The following DRG1 variants were observed in gnomAD, a reference collection of about 807,000 sequenced individuals.
The protein encoded by DRG1 is developmentally-regulated GTP-binding protein 1.
DRG1 carries 19 observed loss-of-function variants against 38.8 expected under a neutral mutation model. That is an observed-to-expected ratio of 0.49 (90% CI 0.34 to 0.72). The LOEUF is 0.72. DRG1 is among the 30% of genes least tolerant of loss of function. The pLI, the probability that DRG1 is intolerant of heterozygous loss-of-function variation, is 0.01. For missense variants in DRG1, 299 were observed against 444.8 expected (o/e 0.67, Z 2.95); for synonymous variants, 167 against 157.5 (o/e 1.06, Z -0.45).
chr22:31,411,623 G>T (rs905666907), intron 4 of DRG1, among the ~76,000 whole-genome samples: 1 of 148,576 alleles, frequency 6.7e-6, no homozygotes, highest in East Asian at 2.0e-4. Flanking sequence ...TCTGCCTCCC[G>T]GGTTCAAGGG....
intron 4 of DRG1, among the ~76,000 whole-genome samples, chr22:31,413,335 C>A (rs1038558802): frequency 1.6e-4 from 25 of 151,782 alleles, no homozygotes; most frequent in Non-Finnish European, 3.1e-4. Flanking sequence ...GCTCAGTGAT[C>A]CTCCTGCCTT....
chr22:31,427,219 A>G (rs141744371), intron 8 of DRG1, 37 bp downstream of exon 8: 71 of 1,603,932 alleles, frequency 4.4e-5, no homozygotes, highest in Admixed American at 1.0e-4. Flanking sequence ...CCTTTTTCCT[A>G]TGAGTTACCA....
At chr22:31,413,944 A>G (rs1170833829) in intron 4 of DRG1, among the ~76,000 whole-genome samples, 1 of 151,980 alleles carries the variant, frequency 6.6e-6, no homozygotes, top group Admixed American at 6.6e-5. Context: ...AAGAACACAT[A>G]TGACTTCCCT....
chr22:31,433,351 A>G (rs1012673193), intron 8 of DRG1, among the ~76,000 whole-genome samples: 1 of 149,170 alleles, frequency 6.7e-6, no homozygotes, highest in East Asian at 2.0e-4. Flanking sequence ...GCTCACTGCA[A>G]CCTCCGCCTC....
chr22:31,428,380 T>G (rs1193898959), intron 8 of DRG1, among the ~76,000 whole-genome samples: 2 of 151,958 alleles, frequency 1.3e-5, no homozygotes, highest in African/African-American at 4.8e-5. Flanking sequence ...CCCGGCTAAT[T>G]TTTTTGTATT....
At chr22:31,430,932 G>A (rs2050135021) in intron 8 of DRG1, among the ~76,000 whole-genome samples, 1 of 149,604 alleles carries the variant, frequency 6.7e-6, no homozygotes, top group Non-Finnish European at 1.5e-5. Flanking sequence ...TGCCCTGGCT[G>A]GTCTCGAACT....
At chr22:31,414,796 T>TTTTA (rs1555898555) in intron 4 of DRG1, among the ~76,000 whole-genome samples, 1 of 151,008 alleles carries the variant, frequency 6.6e-6, no homozygotes, top group African/African-American at 2.5e-5. Flanking sequence ...TTTTTTTTTT[T>TTTTA]AGAGATAGGA....
At chr22:31,431,117 C>G (rs1379930663) in intron 8 of DRG1, among the ~76,000 whole-genome samples, 1 of 146,014 alleles carries the variant, frequency 6.8e-6, no homozygotes, top group African/African-American at 2.5e-5. Context: ...TCACTGCAAG[C>G]TCCGCCTCCC....
intron 8 of DRG1, among the ~76,000 whole-genome samples, chr22:31,433,563 G>A (rs920441935): frequency 6.6e-6 from 1 of 152,134 alleles, no homozygotes; most frequent in East Asian, 1.9e-4. Flanking sequence ...GAGCCCCTGC[G>A]CCCGGCCCAG....
intron 8 of DRG1, among the ~76,000 whole-genome samples, chr22:31,432,533 C>G (rs1374566770): frequency 1.3e-5 from 2 of 151,828 alleles, no homozygotes; most frequent in East Asian, 3.9e-4. Flanking sequence ...TCAAGCGATT[C>G]TCCTGCCTCA....
chr22:31,403,041 C>T lies in DRG1; in HGVS notation c.179C>T (p.Ala60Val). 6.2e-7 allele frequency: 1 copy of T among 1,611,702 alleles called. No individual in the cohort carries two copies. Among genetic ancestry groups the T allele is most frequent in the Non-Finnish European group, 8.5e-7 (1 of 1,179,502 alleles). ...GGGPGEGFDVAKTGDARIGFV... is the reference protein window; with the variant it reads ...GGGPGEGFDVVKTGDARIGFV... ...ATTGATGTTTTAGGTTTTGATGTGG[C>T]CAAGACAGGTGATGCTCGAATTGGA... The change falls in exon 3 of 9, where the codon GCC (alanine) becomes GTC (valine). Residue 60 changes from alanine (A) to valine (V), a missense_variant. Transcript: ENST00000331457.
At chr22:31,423,471 A>G (rs1230543291) in intron 6 of DRG1, 61 bp downstream of exon 6, 5 of 1,477,072 alleles carry the variant, frequency 3.4e-6, no homozygotes, top group African/African-American at 1.4e-5. Context: ...TGGAAACAGT[A>G]TTGGATCTTG....
rs539186674 is a variant in DRG1 at position 31,407,968 on chromosome 22, CA to C, written c.343-3036del. Among the ~76,000 whole-genome samples, 31 of 147,718 alleles carry C rather than the reference CA, an allele frequency of 2.1e-4. No individual in the cohort carries two copies. In the East Asian group the frequency reaches 2.9e-3, roughly 14 times the overall value. ...AAACCCTGTCTCTACTAAAAATACA[CA>C]AAAAAAATTAGTGGGGCATGGTGGC... On this transcript the variant is annotated intron_variant, in intron 3 of 8. Coordinates refer to ENST00000331457, the MANE Select transcript of DRG1 (RefSeq NM_004147.4).
intron 3 of DRG1, among the ~76,000 whole-genome samples, chr22:31,407,022 G>C (rs761864035): frequency 3.3e-5 from 5 of 152,032 alleles, no homozygotes; most frequent in Non-Finnish European, 7.4e-5. Context: ...CTCAATTTGG[G>C]TTTGTGTGAT....
intron 8 of DRG1, among the ~76,000 whole-genome samples, chr22:31,431,369 CAAA>C (rs928601224): frequency 6.6e-6 from 1 of 152,024 alleles, no homozygotes; most frequent in African/African-American, 2.4e-5. Context: ...GGGTTAAAAA[CAAA>C]AGAAGAAAAT....
At chr22:31,433,777 T>G in intron 8 of DRG1, 95 bp from the exon 9 acceptor site, 1 of 1,043,190 alleles carries the variant, frequency 9.6e-7, no homozygotes, top group Non-Finnish European at 1.5e-6. Context: ...CTTAAGGGTA[T>G]GATACTAAAT....
chr22:31,404,723 G>A (rs2049980445), intron 3 of DRG1, among the ~76,000 whole-genome samples: 1 of 151,960 alleles, frequency 6.6e-6, no homozygotes, highest in Admixed American at 6.6e-5. Context: ...CAGGGTTCAA[G>A]CAATTCTCCT....
intron 8 of DRG1, among the ~76,000 whole-genome samples, chr22:31,431,604 G>A (rs886610577): frequency 3.3e-5 from 5 of 152,186 alleles, no homozygotes; most frequent in African/African-American, 1.2e-4. Context: ...TGACATTGCA[G>A]CGAGCCAAGA....
chr22:31,427,395 A>G (rs751713408), intron 8 of DRG1, among the ~76,000 whole-genome samples: 16 of 152,128 alleles, frequency 1.1e-4, no homozygotes, highest in Non-Finnish European at 1.6e-4. Flanking sequence ...GCCTGATGAC[A>G]CAAACAACCC....
Sources: gnomAD v4.1 joint callset for allele counts (sites outside exome capture counted in the v4.1 genomes callset) on GRCh38, gnomAD v4.1.1 for gene constraint, MANE v1.5 for transcripts, NCBI Gene and HGNC (gene_info 2026-07-23, HGNC 2026-07-21) for gene names.